SPATS2: variants seen among roughly 807,000 people sequenced by gnomAD.
The protein encoded by SPATS2 is spermatogenesis associated serine rich 2, also known as spermatogenesis-associated serine-rich protein 2.
Under a neutral mutation model 63.7 loss-of-function variants are expected in SPATS2, and 38 were observed. The ratio of observed to expected loss-of-function variants is 0.60; its 90% CI spans 0.46 to 0.78. The LOEUF (loss-of-function observed/expected upper bound fraction) is 0.78, where lower values mean the gene tolerates loss of function less well. SPATS2 is among the 30% of genes least tolerant of loss of function. The probability of loss-of-function intolerance (pLI) is 0.00; values close to 1 mark genes in which losing one functional copy is unlikely to be tolerated. For missense variants in SPATS2, 588 were observed against 666.2 expected, an observed-to-expected ratio of 0.88 and a Z score of 1.29; for synonymous variants, 207 against 232.9, an observed-to-expected ratio of 0.89 and a Z score of 1.01.
chr12:49,507,189 TCAGGTCAGATCAGAGTAGCGGG>T (rs1946668668), intron 9 of SPATS2, among the ~76,000 whole-genome samples: 1 of 152,198 alleles, frequency 6.6e-6, no homozygotes, highest in Non-Finnish European at 1.5e-5. Flanking sequence ...CTGGGATTCT[TCAGGTCAGATCAGAGTAGCGGG>T]AAAGGTTTTA....
At chr12:49,441,235 G>A (rs1478748634) in intron 2 of SPATS2, among the ~76,000 whole-genome samples, 1 of 152,066 alleles carries the variant, frequency 6.6e-6, no homozygotes, top group Non-Finnish European at 1.5e-5. Flanking sequence ...GCTTGGATTA[G>A]TACTTATTTC....
intron 2 of SPATS2, among the ~76,000 whole-genome samples, chr12:49,424,096 G>T (rs1182400733): frequency 6.6e-6 from 1 of 152,034 alleles, no homozygotes; most frequent in Non-Finnish European, 1.5e-5. Context: ...CCAGCTGCTC[G>T]GGAGGCTGAG....
intron 2 of SPATS2, among the ~76,000 whole-genome samples, chr12:49,403,595 A>G (rs1429189981): frequency 4.5e-5 from 1 of 22,270 alleles, no homozygotes; most frequent in South Asian, 1.2e-3. Flanking sequence ...GCCACTGTCT[A>G]CACACACACA....
At chr12:49,450,297 T>C (rs1945596347) in intron 2 of SPATS2, among the ~76,000 whole-genome samples, 1 of 152,126 alleles carries the variant, frequency 6.6e-6, no homozygotes, top group African/African-American at 2.4e-5. Context: ...TTGCCCAGGC[T>C]GGCGTGCAGT....
chr12:49,523,680 G>T (rs190569845), intron 12 of SPATS2, among the ~76,000 whole-genome samples: 1 of 152,118 alleles, frequency 6.6e-6, no homozygotes, highest in African/African-American at 2.4e-5. Context: ...TGCCAGGCGC[G>T]GTGGCTCATG....
intron 8 of SPATS2, among the ~76,000 whole-genome samples, chr12:49,499,093 A>G (rs1200992175): frequency 6.6e-6 from 1 of 152,084 alleles, no homozygotes; most frequent in Non-Finnish European, 1.5e-5. Flanking sequence ...GCCCTATAGT[A>G]TCTAATTATA....
chr12:49,451,552 A>G (rs1188798476), intron 2 of SPATS2, among the ~76,000 whole-genome samples: 1 of 152,252 alleles, frequency 6.6e-6, no homozygotes, highest in African/African-American at 2.4e-5. Flanking sequence ...AAGTTAAAAA[A>G]TACATACTTT....
chr12:49,418,778 T>C (rs1458190298), intron 2 of SPATS2, among the ~76,000 whole-genome samples: 1 of 152,170 alleles, frequency 6.6e-6, no homozygotes, highest in Non-Finnish European at 1.5e-5. Flanking sequence ...AAAAATACTT[T>C]TACAAAGCTT....
At chr12:49,471,836 A>G (rs1283369676) in intron 3 of SPATS2, among the ~76,000 whole-genome samples, 1 of 151,750 alleles carries the variant, frequency 6.6e-6, no homozygotes, top group Non-Finnish European at 1.5e-5. Context: ...GAATTTGACT[A>G]CTCTAGGTAA....
chr12:49,410,929 CTTTTAG>C (rs200225146), intron 2 of SPATS2, among the ~76,000 whole-genome samples: 8,242 of 151,340 alleles, frequency 0.054, 313 homozygotes, highest in Non-Finnish European at 0.077. Context: ...GTTCCTGACA[CTTTTAG>C]TTTTATAGAA....
intron 2 of SPATS2, among the ~76,000 whole-genome samples, chr12:49,374,316 A>G (rs1451955780): frequency 2.0e-5 from 3 of 151,954 alleles, no homozygotes; most frequent in African/African-American, 4.8e-5. Context: ...TTTTGTAGAG[A>G]CAGGGTCTTG....
At chr12:49,393,791 C>T (rs1055307532) in intron 2 of SPATS2, among the ~76,000 whole-genome samples, 5 of 152,088 alleles carry the variant, frequency 3.3e-5, no homozygotes, top group Non-Finnish European at 7.4e-5. Flanking sequence ...CACAAGAAAA[C>T]CGAGGCTCAT....
chr12:49,390,381 G>A (rs1768993593), intron 2 of SPATS2, among the ~76,000 whole-genome samples: 1 of 152,216 alleles, frequency 6.6e-6, no homozygotes, highest in African/African-American at 2.4e-5. Context: ...AACTGGTAAA[G>A]AAATGAAAGG....
chr12:49,377,239 A>G (rs995421135), intron 2 of SPATS2, among the ~76,000 whole-genome samples: 4 of 152,186 alleles, frequency 2.6e-5, no homozygotes, highest in Non-Finnish European at 5.9e-5. Flanking sequence ...GGCATTTGTC[A>G]TTAGCCTACC....
At chr12:49,432,344 C>T (rs539509348) in intron 2 of SPATS2, among the ~76,000 whole-genome samples, 3 of 152,186 alleles carry the variant, frequency 2.0e-5, no homozygotes, top group African/African-American at 4.8e-5. Flanking sequence ...TGGTGGCAGG[C>T]GCCTGTAGTC....
intron 12 of SPATS2, among the ~76,000 whole-genome samples, chr12:49,524,034 T>C (rs1338055196): frequency 6.6e-6 from 1 of 152,060 alleles, no homozygotes; most frequent in Non-Finnish European, 1.5e-5. Context: ...GAAAAAAATC[T>C]AGAGAGTAGT....
chr12:49,380,720 T>A (rs1165034119), intron 2 of SPATS2, among the ~76,000 whole-genome samples: 3 of 151,238 alleles, frequency 2.0e-5, no homozygotes, highest in African/African-American at 7.3e-5. Flanking sequence ...AAAAAATATA[T>A]ATATATATTT....
chr12:49,437,434 G>A lies in SPATS2; in HGVS notation c.-243-23336G>A, dbSNP rs1244355964. On this transcript the variant is annotated intron_variant, in intron 2 of 13. Transcript: ENST00000552918. The stretch of plus-strand genomic sequence containing the variant: ...TCACTTCCCAGACGGGGTGGTGGCC[G>A]GGCAGAGGCTGCAATCTCAGCACTT... Among the ~76,000 whole-genome samples, 146 of 152,242 alleles carry A rather than the reference G, an allele frequency of 9.6e-4. 1 individual carries two copies. In the East Asian group the frequency reaches 0.01, roughly 11 times the overall value.
At chr12:49,403,715 TAAATATCCTGG>T (rs1565705021) in intron 2 of SPATS2, among the ~76,000 whole-genome samples, 1 of 152,042 alleles carries the variant, frequency 6.6e-6, no homozygotes. Context: ...ACCCTATTCT[TAAATATCCTGG>T]AAACTGGGTG....
Sources: allele counts gnomAD v4.1 joint callset (sites outside exome capture counted in the v4.1 genomes callset), GRCh38; gene constraint gnomAD v4.1.1; transcripts MANE v1.5; gene names NCBI Gene and HGNC (gene_info 2026-07-23, HGNC 2026-07-21).